The following PCLO variants were observed in gnomAD, a reference collection of about 807,000 sequenced individuals.
PCLO encodes protein piccolo.
Under a neutral mutation model 427.5 loss-of-function variants are expected in PCLO, and 82 were observed. The observed-to-expected ratio is 0.19, with a 90% CI of 0.16 to 0.23. The LOEUF is 0.23. PCLO is among the 10% of genes least tolerant of loss of function. PCLO has a pLI of 1.00. For missense variants in PCLO, 6,239 were observed against 6,115.9 expected (o/e 1.02, Z -0.67); for synonymous variants, 2,357 against 2,155.4 (o/e 1.09, Z -2.59).
Position 82,915,077 on chromosome 7 carries a change from T to C in PCLO, c.12909A>G (p.Leu4303=), listed in dbSNP as rs1337393294. The change falls in exon 7 of 25, where the codon TTA becomes TTG. Residue 4303 remains leucine (L), a synonymous_variant. Transcript: ENST00000333891. The stretch of plus-strand genomic sequence containing the variant: ...AGCTAGAAGAATCCCTTTTAATTGA[T>C]AAATCAAGCCCATAGACAGAGGAAG... The part of the protein sequence containing the change: ...SRPSSVYGLD[L]SIKRDSSSSS... The C allele has an allele frequency of 1.2e-6, 2 of 1,608,258 alleles. No homozygotes were observed. Among genetic ancestry groups the C allele is most frequent in the Admixed American group, 1.7e-5 (1 of 58,814 alleles).
intron 16 of PCLO, among the ~76,000 whole-genome samples, chr7:82,828,820 C>CT (rs553852806): frequency 1.8e-3 from 278 of 152,244 alleles, no homozygotes; most frequent in African/African-American, 5.8e-3. Context: ...ACTCTCACTG[C>CT]TTTTTTCTGA....
At chr7:82,808,428 A>G (rs2129468889) in intron 20 of PCLO, among the ~76,000 whole-genome samples, 1 of 151,930 alleles carries the variant, frequency 6.6e-6, no homozygotes, top group Non-Finnish European at 1.5e-5. Flanking sequence ...CTTCTGGAAA[A>G]GTTGAGAAAT....
chr7:82,826,090 C>A (rs985950273), intron 18 of PCLO, among the ~76,000 whole-genome samples: 1 of 151,312 alleles, frequency 6.6e-6, no homozygotes, highest in Non-Finnish European at 1.5e-5. Context: ...TACAGGCATA[C>A]AATTAGGTTA....
chr7:82,997,174 T>C (rs1787641573), intron 3 of PCLO, among the ~76,000 whole-genome samples: 1 of 151,936 alleles, frequency 6.6e-6, no homozygotes, highest in African/African-American at 2.4e-5. Context: ...CCCTGAAGAC[T>C]AGATCAGGGA....
At chr7:82,805,649 C>T (rs1184777821) in intron 21 of PCLO, 39 bp downstream of exon 21, 1 of 1,586,346 alleles carries the variant, frequency 6.3e-7, no homozygotes, top group East Asian at 2.2e-5. Flanking sequence ...ACTCATGATG[C>T]TGAGTAAGCT....
chr7:83,037,593 TA>T (rs1788826974), intron 3 of PCLO, among the ~76,000 whole-genome samples: 1 of 151,738 alleles, frequency 6.6e-6, no homozygotes, highest in Admixed American at 6.6e-5. Context: ...ATTTTTCAGA[TA>T]ATAACCTTAC....
chr7:83,029,869 C>A (rs1000146941), intron 3 of PCLO, among the ~76,000 whole-genome samples: 23 of 146,418 alleles, frequency 1.6e-4, no homozygotes, highest in Admixed American at 1.4e-4. Flanking sequence ...GAACAAAAAA[C>A]CAAACACCGC....
At position 83,016,350 on chromosome 7, in the gene PCLO, T is replaced by C. The variant is rs114509081; in HGVS notation, c.3301-49863A>G. On this transcript the variant is annotated intron_variant, in intron 3 of 24. Transcript: ENST00000333891. ...ATGTAAAATGTGTTTTCAATTACTGTAAGAAGAACTCAGTTCACATGTTAG... is the reference window on the plus strand; with the variant it reads ...ATGTAAAATGTGTTTTCAATTACTGCAAGAAGAACTCAGTTCACATGTTAG... Among the ~76,000 whole-genome samples, 1,519 of 152,254 alleles carry C rather than the reference T, an allele frequency of 1.0e-2. 37 individuals carry two copies. Among genetic ancestry groups the C allele is most frequent in the African/African-American group, 0.032 (1,345 of 41,558 alleles).
chr7:82,912,155 T>C (rs1314238009), intron 7 of PCLO, among the ~76,000 whole-genome samples: 1 of 152,058 alleles, frequency 6.6e-6, no homozygotes, highest in Non-Finnish European at 1.5e-5. Flanking sequence ...AAATAACCTG[T>C]AGAATGTTAT....
rs547416214 is a variant in PCLO, at chr7:83,007,511, T to C, written c.3301-41024A>G. ...CGATAACAACTTAAATTTCCAATAATAGGGAATCACTTTGGCAACTTATTT... is the reference window on the plus strand; with the variant it reads ...CGATAACAACTTAAATTTCCAATAACAGGGAATCACTTTGGCAACTTATTT... On this transcript the variant is annotated intron_variant, in intron 3 of 24. Transcript: ENST00000333891. 4.0e-5 allele frequency among the ~76,000 whole-genome samples: 6 copies of C among 151,734 alleles called. No individual in the cohort carries two copies. In the East Asian group the frequency reaches 1.2e-3, roughly 29 times the overall value.
chr7:82,947,348 C>A (rs186513412), intron 6 of PCLO, among the ~76,000 whole-genome samples: 1 of 152,212 alleles, frequency 6.6e-6, no homozygotes, highest in East Asian at 1.9e-4. Context: ...AAATTAACAA[C>A]CTGTAAACTA....
intron 2 of PCLO, among the ~76,000 whole-genome samples, chr7:83,148,418 G>A (rs545209501): frequency 2.6e-5 from 4 of 152,214 alleles, no homozygotes; most frequent in African/African-American, 9.6e-5. Context: ...TAGAATACAT[G>A]CTCCATAAGG....
chr7:83,068,920 C>T (rs915234823), intron 3 of PCLO, among the ~76,000 whole-genome samples: 1 of 152,096 alleles, frequency 6.6e-6, no homozygotes, highest in Non-Finnish European at 1.5e-5. Flanking sequence ...TGACTATATA[C>T]ATAATACACA....
At chr7:83,158,101 T>G (rs867981490) in intron 1 of PCLO, among the ~76,000 whole-genome samples, 2 of 152,164 alleles carry the variant, frequency 1.3e-5, no homozygotes, top group Non-Finnish European at 2.9e-5. Flanking sequence ...TGGCAACGTA[T>G]GCATAAAGTG....
intron 3 of PCLO, among the ~76,000 whole-genome samples, chr7:83,044,804 T>C (rs1358093357): frequency 2.0e-5 from 3 of 152,150 alleles, no homozygotes; most frequent in South Asian, 4.1e-4. Context: ...TCTAAAATAA[T>C]AATCTTCCCA....
intron 6 of PCLO, among the ~76,000 whole-genome samples, chr7:82,941,294 T>C (rs369002244): frequency 1.3e-5 from 2 of 152,170 alleles, no homozygotes; most frequent in East Asian, 3.9e-4. Flanking sequence ...TCACCTACTA[T>C]GTACCCACAT....
intron 6 of PCLO, among the ~76,000 whole-genome samples, chr7:82,933,394 C>T (rs961756586): frequency 5.3e-5 from 8 of 151,670 alleles, no homozygotes; most frequent in Non-Finnish European, 1.2e-4. Context: ...TTTAAGTGTT[C>T]CTTATACTGG....
intron 3 of PCLO, among the ~76,000 whole-genome samples, chr7:82,984,176 A>T (rs1353963507): frequency 2.0e-5 from 3 of 152,064 alleles, no homozygotes; most frequent in African/African-American, 7.2e-5. Context: ...TAATCAAGTC[A>T]TTTCAAAGGT....
chr7:82,868,756 T>A (rs1562827635), intron 10 of PCLO, among the ~76,000 whole-genome samples: 1 of 152,224 alleles, frequency 6.6e-6, no homozygotes, highest in Admixed American at 6.5e-5. Context: ...CACTGATTCA[T>A]TAAGAATGTT....
Sources: allele counts gnomAD v4.1 joint callset (sites outside exome capture counted in the v4.1 genomes callset), GRCh38; gene constraint gnomAD v4.1.1; transcripts MANE v1.5; gene names NCBI Gene and HGNC (gene_info 2026-07-23, HGNC 2026-07-21).